The following RARB variants were observed in gnomAD, a reference collection of about 807,000 sequenced individuals.
RARB encodes the protein HBV-activated protein.
A neutral mutation model predicts 51.9 loss-of-function variants in RARB; 17 were observed. That is an observed-to-expected ratio of 0.33 (90% CI 0.22 to 0.49). RARB has a LOEUF of 0.49. Among genes scored for constraint, RARB ranks in the 20% least tolerant of loss-of-function variants. The probability of loss-of-function intolerance (pLI) is 0.99; values close to 1 mark genes in which losing one functional copy is unlikely to be tolerated. For synonymous variants in RARB, 215 were observed against 195.4 expected, an observed-to-expected ratio of 1.10 and a Z score of -0.84; for missense variants, 369 against 550.8, an observed-to-expected ratio of 0.67 and a Z score of 3.30.
At chr3:25,397,576 C>A (rs1049486929) in intron 5 of RARB, among the ~76,000 whole-genome samples, 1 of 152,192 alleles carries the variant, frequency 6.6e-6, no homozygotes, top group African/African-American at 2.4e-5. Context: ...TTTGAAACCT[C>A]TCGATAATAA....
chr3:25,537,002 T>C (rs1699169067), intron 3 of RARB, among the ~76,000 whole-genome samples: 2 of 152,292 alleles, frequency 1.3e-5, no homozygotes, highest in South Asian at 4.1e-4. Flanking sequence ...TGAGAAAAAC[T>C]AGTCAAAGAC....
intron 3 of RARB, among the ~76,000 whole-genome samples, chr3:25,062,143 C>T (rs1258719193): frequency 6.6e-6 from 1 of 151,268 alleles, no homozygotes; most frequent in African/African-American, 2.4e-5. Context: ...TCAATAAATC[C>T]ATTAAAATAA....
In RARB at chr3:25,367,775, G is replaced by A. The variant is rs1171528199; in HGVS notation, c.179-93418G>A. ...CAGAAGATCGCACCCCTGCACTCCA[G>A]CCTGGGTGACAAAGTGAGACCCTGT... On this transcript the variant is annotated intron_variant, in intron 5 of 11. Coordinates refer to the RARB transcript ENST00000383772. 2.3e-4 allele frequency among the ~76,000 whole-genome samples: 33 copies of A among 143,894 alleles called. 1 individual carries two copies. Among genetic ancestry groups the A allele is most frequent in the Admixed American group, 2.3e-3 (31 of 13,664 alleles). 94.4% of individuals were successfully genotyped at this position (143,894 alleles called of 152,430 possible).
intron 4 of RARB, among the ~76,000 whole-genome samples, chr3:25,134,146 A>C (rs1699995574): frequency 6.6e-6 from 1 of 151,968 alleles, no homozygotes; most frequent in Non-Finnish European, 1.5e-5. Flanking sequence ...AAATTTACTT[A>C]TTAGCTTAGT....
At chr3:25,085,013 G>C (rs1699078760) in intron 3 of RARB, among the ~76,000 whole-genome samples, 1 of 152,148 alleles carries the variant, frequency 6.6e-6, no homozygotes, top group African/African-American at 2.4e-5. Flanking sequence ...AAATTACAAA[G>C]CAGAGCTTGC....
chr3:25,506,185 G>A (rs550402145), intron 3 of RARB, among the ~76,000 whole-genome samples: 2 of 149,946 alleles, frequency 1.3e-5, no homozygotes, highest in African/African-American at 2.5e-5. Flanking sequence ...CTTGGGAGGC[G>A]GAGGTTGCAA....
intron 1 of RARB, among the ~76,000 whole-genome samples, chr3:25,444,943 CTCTTT>C (rs1305586896): frequency 6.6e-6 from 1 of 151,918 alleles, no homozygotes; most frequent in East Asian, 1.9e-4. Flanking sequence ...GAATGAACAC[CTCTTT>C]TCTTTTTTCT....
chr3:25,565,894 C>T (rs935067761), intron 3 of RARB, among the ~76,000 whole-genome samples: 2 of 152,222 alleles, frequency 1.3e-5, no homozygotes, highest in African/African-American at 4.8e-5. Flanking sequence ...AAGGAGCTGT[C>T]TCCTCTGGAG....
intron 5 of RARB, among the ~76,000 whole-genome samples, chr3:25,342,761 G>A (rs552930297): frequency 2.6e-5 from 4 of 152,168 alleles, no homozygotes; most frequent in East Asian, 3.9e-4. Context: ...TTTTTTCATG[G>A]TCTTTTTAAT....
chr3:25,356,656 A>G (rs1237643405), intron 5 of RARB, among the ~76,000 whole-genome samples: 1 of 151,508 alleles, frequency 6.6e-6, no homozygotes, highest in Admixed American at 6.6e-5. Flanking sequence ...TGATGCTGTC[A>G]CTCCCCTTGC....
intron 5 of RARB, among the ~76,000 whole-genome samples, chr3:25,365,714 GT>G (rs1706097711): frequency 6.6e-6 from 1 of 152,170 alleles, no homozygotes; most frequent in African/African-American, 2.4e-5. Flanking sequence ...TAATTCAAAG[GT>G]TGAGATTGTG....
At chr3:25,187,875 T>A (rs548069914) in intron 5 of RARB, among the ~76,000 whole-genome samples, 2 of 152,284 alleles carry the variant, frequency 1.3e-5, no homozygotes, top group South Asian at 4.1e-4. Flanking sequence ...AATGTTTTAG[T>A]GTGTTTGAGA....
At chr3:24,977,750 T>A (rs767709409) in intron 2 of RARB, among the ~76,000 whole-genome samples, 4 of 152,212 alleles carry the variant, frequency 2.6e-5, no homozygotes, top group Non-Finnish European at 4.4e-5. Context: ...TTTATTTCTT[T>A]CTCCTGCCTG....
At chr3:25,095,507 C>T (rs1228976573) in intron 3 of RARB, among the ~76,000 whole-genome samples, 2 of 152,202 alleles carry the variant, frequency 1.3e-5, no homozygotes, top group African/African-American at 2.4e-5. Flanking sequence ...CTTGGCCATA[C>T]ATCCTCCCAA....
At chr3:25,432,208 A>G (rs1708238379) in intron 1 of RARB, among the ~76,000 whole-genome samples, 1 of 152,170 alleles carries the variant, frequency 6.6e-6, no homozygotes, top group Non-Finnish European at 1.5e-5. Flanking sequence ...TTCCTTGTAG[A>G]AAAAAAGAAA....
intron 3 of RARB, among the ~76,000 whole-genome samples, chr3:25,535,810 G>T (rs945221051): frequency 6.6e-6 from 1 of 152,130 alleles, no homozygotes; most frequent in African/African-American, 2.4e-5. Flanking sequence ...CTGGGCAAAT[G>T]GAATGAATAC....
At chr3:25,211,539 T>C (rs933391097) in intron 5 of RARB, among the ~76,000 whole-genome samples, 4 of 152,240 alleles carry the variant, frequency 2.6e-5, no homozygotes, top group African/African-American at 9.6e-5. Flanking sequence ...GAACATTTTC[T>C]TGTAGAATGA....
intron 5 of RARB, among the ~76,000 whole-genome samples, chr3:25,378,882 A>G (rs551175174): frequency 6.6e-5 from 10 of 152,316 alleles, no homozygotes; most frequent in Middle Eastern, 3.4e-3. Context: ...GCTTGAGAGG[A>G]AAAAAACCTG....
At chr3:25,355,116 A>G (rs1705693764) in intron 5 of RARB, among the ~76,000 whole-genome samples, 1 of 152,142 alleles carries the variant, frequency 6.6e-6, no homozygotes, top group Non-Finnish European at 1.5e-5. Flanking sequence ...ATTAAATAAT[A>G]TTTGTAAACA....
Sources: gnomAD v4.1 joint callset for allele counts (sites outside exome capture counted in the v4.1 genomes callset) on GRCh38, gnomAD v4.1.1 for gene constraint, MANE v1.5 for transcripts, NCBI Gene and HGNC (gene_info 2026-07-23, HGNC 2026-07-21) for gene names.